The following PDE4D variants were observed in gnomAD, a reference collection of about 807,000 sequenced individuals.
PDE4D encodes the protein phosphodiesterase 4D.
Under a neutral mutation model 87.4 loss-of-function variants are expected in PDE4D, and 24 were observed. The observed-to-expected ratio is 0.27, with a 90% CI of 0.20 to 0.39. The LOEUF is 0.39. PDE4D is among the 10% of genes least tolerant of loss of function. The probability of loss-of-function intolerance (pLI) is 1.00; values close to 1 mark genes in which losing one functional copy is unlikely to be tolerated. For synonymous variants in PDE4D, 384 were observed against 383.2 expected (o/e 1.00, Z -0.02); for missense variants, 714 against 1,041.0 (o/e 0.69, Z 4.32).
chr5:59,062,743 T>C (rs1458052009), intron 5 of PDE4D, among the ~76,000 whole-genome samples: 2 of 143,456 alleles, frequency 1.4e-5, no homozygotes, highest in African/African-American at 5.1e-5. Flanking sequence ...AGCTTTCCAG[T>C]GTGTCTGAAA....
intron 1 of PDE4D, among the ~76,000 whole-genome samples, chr5:59,819,394 A>G (rs140512200): frequency 1.5e-4 from 23 of 152,302 alleles, no homozygotes; most frequent in African/African-American, 5.5e-4. Flanking sequence ...ACTACTTTCC[A>G]TAGACTTTCA....
intron 1 of PDE4D, among the ~76,000 whole-genome samples, chr5:60,432,913 A>G (rs570497582): frequency 1.8e-4 from 28 of 152,336 alleles, no homozygotes; most frequent in African/African-American, 6.0e-4. Flanking sequence ...TCCTTAGATC[A>G]TATACAAAAA....
intron 1 of PDE4D, among the ~76,000 whole-genome samples, chr5:59,776,260 T>G (rs1019710745): frequency 2.0e-5 from 3 of 152,172 alleles, no homozygotes; most frequent in Non-Finnish European, 4.4e-5. Flanking sequence ...TAAACTTCTC[T>G]GGAACTCACT....
At chr5:60,253,146 G>T (rs12188020) in intron 1 of PDE4D, among the ~76,000 whole-genome samples, 10,840 of 151,928 alleles carry the variant, frequency 0.071, 433 homozygotes, top group Non-Finnish European at 0.097. Flanking sequence ...CAACCAGAAG[G>T]AGCCCACGGT....
intron 1 of PDE4D, among the ~76,000 whole-genome samples, chr5:59,269,711 ATTGTT>A (rs1183401571): frequency 1.3e-5 from 2 of 151,968 alleles, no homozygotes; most frequent in Non-Finnish European, 2.9e-5. Flanking sequence ...TGGCTGTTTT[ATTGTT>A]TTATGTGTGC....
At chr5:60,255,804 C>CACA (rs71606627) in intron 1 of PDE4D, among the ~76,000 whole-genome samples, 14,423 of 151,114 alleles carry the variant, frequency 0.095, 706 homozygotes, top group Non-Finnish European at 0.12. Flanking sequence ...ACTCTATCTC[C>CACA]ACAACAACAA....
chr5:59,376,922 C>A (rs1304127844), intron 1 of PDE4D, among the ~76,000 whole-genome samples: 1 of 152,176 alleles, frequency 6.6e-6, no homozygotes, highest in Non-Finnish European at 1.5e-5. Context: ...CTAACAAAAA[C>A]AAGCATTGGA....
At chr5:59,213,328 T>A (rs1750504420) in intron 2 of PDE4D, among the ~76,000 whole-genome samples, 1 of 151,902 alleles carries the variant, frequency 6.6e-6, no homozygotes, top group Admixed American at 6.6e-5. Context: ...GCCCAGCTAT[T>A]TTTTTGGATT....
At chr5:59,177,057 G>T (rs897312970) in intron 5 of PDE4D, among the ~76,000 whole-genome samples, 1 of 152,024 alleles carries the variant, frequency 6.6e-6, no homozygotes. Flanking sequence ...TTACCCCCTT[G>T]TTACGGAATG....
At chr5:60,231,572 C>G (rs1015976604) in intron 1 of PDE4D, among the ~76,000 whole-genome samples, 2 of 151,840 alleles carry the variant, frequency 1.3e-5, no homozygotes, top group Admixed American at 6.6e-5. Flanking sequence ...CACTTGCAAC[C>G]AGTATGTCCA....
Position 59,630,918 on chromosome 5 carries a change from G to A in PDE4D, c.455+262250C>T, listed in dbSNP as rs79283246. Among the ~76,000 whole-genome samples the A allele has an allele frequency of 1.7e-3, 260 of 152,062 alleles. 2 individuals carry two copies. Among genetic ancestry groups the A allele is most frequent in the African/African-American group, 6.0e-3 (248 of 41,460 alleles). ...GAGTCACTTAATATTCCTGACGCTCGGTTTTTTTTCCCTAGAAAATGTAGC... is the reference window on the plus strand; with the variant it reads ...GAGTCACTTAATATTCCTGACGCTCAGTTTTTTTTCCCTAGAAAATGTAGC... On this transcript the variant is annotated intron_variant, in intron 1 of 14. Transcript: ENST00000340635.
intron 1 of PDE4D, among the ~76,000 whole-genome samples, chr5:60,498,735 A>T (rs2150243634): frequency 6.6e-6 from 1 of 152,174 alleles, no homozygotes; most frequent in Non-Finnish European, 1.5e-5. Context: ...TGTTTTTTTT[A>T]ATCTTGTCTG....
chr5:59,898,643 G>A (rs566192245), upstream of PDE4D, among the ~76,000 whole-genome samples: 2 of 152,312 alleles, frequency 1.3e-5, no homozygotes, highest in African/African-American at 4.8e-5. Context: ...GCAGAGACTG[G>A]CGCAGACAAT....
chr5:60,043,403 C>T (rs995213516), intron 2 of PDE4D, among the ~76,000 whole-genome samples: 4 of 152,208 alleles, frequency 2.6e-5, no homozygotes, highest in East Asian at 1.9e-4. Context: ...TATCCCCAAC[C>T]CAGCAAGACA....
chr5:58,989,708 T>C (rs1162163902), intron 10 of PDE4D, 47 bp downstream of exon 10: 1 of 1,302,786 alleles, frequency 7.7e-7, no homozygotes, highest in Non-Finnish European at 1.1e-6. Context: ...TAATAGACCT[T>C]TATGAGTGGC....
chr5:60,440,918 G>A (rs1745154192), intron 1 of PDE4D, among the ~76,000 whole-genome samples: 1 of 152,014 alleles, frequency 6.6e-6, no homozygotes, highest in South Asian at 2.1e-4. Context: ...TCAAAATCCT[G>A]GCAGTCTAGC....
intron 2 of PDE4D, chr5:60,160,732 A>G: frequency 4.7e-6 from 2 of 424,702 alleles, no homozygotes; most frequent in Non-Finnish European, 9.3e-6. Context: ...TTTTAAGAAT[A>G]TACAACAGAA....
rs377646025 is a variant in PDE4D, at chr5:58,975,878, C to CT, written c.1831-40dup. The CT allele has an allele frequency of 3.5e-3, 4,205 of 1,189,160 alleles. 11 individuals are homozygous for CT. Among genetic ancestry groups the CT allele is most frequent in the Non-Finnish European group, 4.1e-3 (3,799 of 925,606 alleles). The allele number at this position is 1,189,160 out of a possible 1,614,324, so 73.7% of individuals were successfully genotyped here. A position where few individuals can be genotyped will look rare whatever the true frequency, so the allele number is the denominator to read the frequency against. ...ATGCATTCTCTATTCACTCCTGTTC[C>CT]TTTTTTTTAAAAAAAAAAACAAAAA... On this transcript the variant is annotated intron_variant, in intron 13 of 14. Coordinates refer to ENST00000340635, the MANE Select transcript of PDE4D (RefSeq NM_001104631.2). This position sits in a 1 kb window ranked among gnomAD's most constrained non-coding sequence, Gnocchi z 4.2.
intron 5 of PDE4D, among the ~76,000 whole-genome samples, chr5:59,049,419 CTT>C (rs1392881556): frequency 2.0e-5 from 3 of 152,086 alleles, no homozygotes; most frequent in Non-Finnish European, 2.9e-5. Context: ...AACTCTTTCT[CTT>C]TTTTTAAAAG....
Sources: allele counts gnomAD v4.1 joint callset (sites outside exome capture counted in the v4.1 genomes callset), GRCh38; gene constraint gnomAD v4.1.1; non-coding constraint Gnocchi (gnomAD v3.1); transcripts MANE v1.5; gene names NCBI Gene and HGNC (gene_info 2026-07-23, HGNC 2026-07-21).